Variants in MARCHF1 observed in about 807,000 individuals in gnomAD.
The protein encoded by MARCHF1 is membrane associated ring-CH-type finger 1, also known as E3 ubiquitin-protein ligase MARCHF1.
Under a neutral mutation model 54.2 loss-of-function variants are expected in MARCHF1, and 40 were observed. The observed-to-expected ratio is 0.74, with a 90% CI of 0.57 to 0.96. The LOEUF (loss-of-function observed/expected upper bound fraction) is 0.96, where lower values mean the gene tolerates loss of function less well. Among genes scored for constraint, MARCHF1 ranks in the 40% least tolerant of loss-of-function variants. The pLI is 0.00. For synonymous variants in MARCHF1, 236 were observed against 236.3 expected (o/e 1.00, Z 0.01); for missense variants, 586 against 656.5 (o/e 0.89, Z 1.17).
In MARCHF1 at chr4:163,677,729, A is replaced by G. The variant is rs1291283097; in HGVS notation, c.162+23084T>C. Among the ~76,000 whole-genome samples, 4 of 152,154 alleles carry G rather than the reference A, an allele frequency of 2.6e-5. No homozygotes were observed. The East Asian group carries it at 5.8e-4, about 22-fold the overall frequency. Reference sequence around the variant, plus strand: ...TCTCTCCCACTAGTGTAAAAGCCCTATTGAGGACTACGACTTTCTACCTCT... The same window carrying G: ...TCTCTCCCACTAGTGTAAAAGCCCTGTTGAGGACTACGACTTTCTACCTCT... On this transcript the variant is annotated intron_variant, in intron 5 of 9. Coordinates refer to ENST00000514618, the MANE Select transcript of MARCHF1 (RefSeq NM_001394959.1).
intron 5 of MARCHF1, among the ~76,000 whole-genome samples, chr4:163,630,846 A>G (rs11931905): frequency 0.047 from 7,195 of 152,188 alleles, 329 homozygotes; most frequent in East Asian, 0.16. Context: ...GTGCAGAAAA[A>G]GTTGGAAAGA....
At chr4:164,290,217 T>C (rs1734254920) in intron 1 of MARCHF1, among the ~76,000 whole-genome samples, 1 of 151,984 alleles carries the variant, frequency 6.6e-6, no homozygotes, top group Admixed American at 6.6e-5. Context: ...CCTTGGATAG[T>C]CCCCAGAGCT....
intron 1 of MARCHF1, among the ~76,000 whole-genome samples, chr4:164,159,032 G>A (rs1292455000): frequency 6.6e-6 from 1 of 152,182 alleles, no homozygotes; most frequent in Non-Finnish European, 1.5e-5. Flanking sequence ...TAACAGCACT[G>A]TGGTTAAGAA....
intron 1 of MARCHF1, among the ~76,000 whole-genome samples, chr4:164,145,044 C>G (rs1481867109): frequency 7.1e-6 from 1 of 141,622 alleles, no homozygotes; most frequent in Non-Finnish European, 1.5e-5. Context: ...CTACAAACAC[C>G]TCTACGCAAA....
At chr4:163,835,999 A>G (rs1001766758) in intron 4 of MARCHF1, among the ~76,000 whole-genome samples, 8 of 152,076 alleles carry the variant, frequency 5.3e-5, no homozygotes, top group Admixed American at 6.6e-5. Flanking sequence ...TGGAAGAGAA[A>G]ATGAACCGGA....
intron 4 of MARCHF1, among the ~76,000 whole-genome samples, chr4:163,733,133 C>T (rs1745893974): frequency 7.7e-6 from 1 of 129,448 alleles, no homozygotes; most frequent in Non-Finnish European, 1.6e-5. Context: ...GCCTGGGTGA[C>T]AGAGCAAGAC....
Position 164,180,238 on chromosome 4 carries a change from T to C in MARCHF1, c.-322-68576A>G, listed in dbSNP as rs998696435. 3.9e-5 allele frequency among the ~76,000 whole-genome samples: 6 copies of C among 152,098 alleles called. No individual in the cohort carries two copies. In the South Asian group the frequency reaches 6.2e-4, roughly 16 times the overall value. On this transcript the variant is annotated intron_variant, in intron 1 of 9. Transcript: ENST00000514618. ...TATTGAATTATGGCTTCTGCACTGA[T>C]AATTTTATTGGATGTAATAAATATA...
At chr4:163,873,091 A>AC (rs149615504) in intron 3 of MARCHF1, among the ~76,000 whole-genome samples, 8,080 of 151,988 alleles carry the variant, frequency 0.053, 293 homozygotes, top group Middle Eastern at 0.099. Flanking sequence ...AAACAAACAA[A>AC]AAAAATGATG....
rs561889251 is a variant in MARCHF1, at chr4:163,892,580, A to G, written c.-38-38411T>C. 2.0e-3 allele frequency among the ~76,000 whole-genome samples: 302 copies of G among 151,650 alleles called. 1 individual carries two copies. The highest frequency in any genetic ancestry group is 6.8e-3 in the African/African-American group (284 of 41,480). The stretch of plus-strand genomic sequence containing the variant: ...AATGTGCACATGTACCCTAAAACTT[A>G]AAGTATAATAAAAAATAAAAATAAA... On this transcript the variant is annotated intron_variant, in intron 3 of 9. Transcript: ENST00000514618.
chr4:163,674,373 G>A (rs1743839023), intron 5 of MARCHF1, among the ~76,000 whole-genome samples: 1 of 152,174 alleles, frequency 6.6e-6, no homozygotes, highest in Admixed American at 6.5e-5. Context: ...CTGAGAAGTT[G>A]ATGAAGACAA....
intron 5 of MARCHF1, among the ~76,000 whole-genome samples, chr4:163,675,234 A>G (rs111419156): frequency 6.6e-6 from 1 of 152,248 alleles, no homozygotes; most frequent in African/African-American, 2.4e-5. Flanking sequence ...ATGAAGTAAT[A>G]ATGTTAAAGT....
At chr4:164,167,762 C>T (rs1467748446) in intron 1 of MARCHF1, among the ~76,000 whole-genome samples, 1 of 151,754 alleles carries the variant, frequency 6.6e-6, no homozygotes, top group African/African-American at 2.4e-5. Flanking sequence ...TTATACCACA[C>T]AAAAATCAAT....
intron 1 of MARCHF1, among the ~76,000 whole-genome samples, chr4:164,233,252 C>A (rs111962408): frequency 0.021 from 3,112 of 149,146 alleles, 97 homozygotes; most frequent in East Asian, 0.13. Flanking sequence ...AAAAAAAAAA[C>A]ACATTACTCT....
chr4:163,926,355 GACTAT>G (rs1221763549), intron 3 of MARCHF1, among the ~76,000 whole-genome samples: 8 of 151,622 alleles, frequency 5.3e-5, no homozygotes, highest in African/African-American at 1.7e-4. Context: ...TGCATTATAT[GACTAT>G]ACTATATTAT....
intron 9 of MARCHF1, among the ~76,000 whole-genome samples, chr4:163,530,958 A>C (rs1206342836): frequency 6.6e-6 from 1 of 151,940 alleles, no homozygotes; most frequent in Non-Finnish European, 1.5e-5. Flanking sequence ...GCAGATAATT[A>C]AATATCCCTA....
At chr4:164,045,511 TTAAA>T (rs33998703) in intron 2 of MARCHF1, among the ~76,000 whole-genome samples, 3,843 of 145,396 alleles carry the variant, frequency 0.026, 124 homozygotes, top group African/African-American at 0.071. Flanking sequence ...GACTCCATCT[TTAAA>T]TAAATAAATA....
rs576303441 is a variant in MARCHF1 at position 164,057,552 on chromosome 4, AT to A, written c.-248+54035del. Among the ~76,000 whole-genome samples, 12 of 152,106 alleles carry A rather than the reference AT, an allele frequency of 7.9e-5. No individual in the cohort carries two copies. The South Asian group carries it at 2.3e-3, about 29-fold the overall frequency. On this transcript the variant is annotated intron_variant, in intron 2 of 9. Transcript: ENST00000514618. ...GAAAGCTGCCCCAGAACGGTGGCAG[AT>A]TTTTTTTCTCATTTGTCTTTCATTC...
At chr4:163,633,984 T>A (rs920845936) in intron 5 of MARCHF1, among the ~76,000 whole-genome samples, 5 of 152,108 alleles carry the variant, frequency 3.3e-5, no homozygotes, top group African/African-American at 1.2e-4. Flanking sequence ...GAATTTCATA[T>A]CCAGCCAAAC....
intron 2 of MARCHF1, among the ~76,000 whole-genome samples, chr4:164,103,993 G>C (rs1268029837): frequency 7.6e-6 from 1 of 132,242 alleles, no homozygotes. Flanking sequence ...ACACCTCTAC[G>C]CAAATAAACT....
Sources: gnomAD v4.1 joint callset for allele counts (sites outside exome capture counted in the v4.1 genomes callset) on GRCh38, gnomAD v4.1.1 for gene constraint, MANE v1.5 for transcripts, NCBI Gene and HGNC (gene_info 2026-07-23, HGNC 2026-07-21) for gene names.